The following PDE1A variants were observed in gnomAD, a reference collection of about 807,000 sequenced individuals.
PDE1A encodes dual specificity calcium/calmodulin-dependent 3',5'-cyclic nucleotide phosphodiesterase 1A.
In PDE1A, 35 loss-of-function variants were observed where a neutral mutation model predicts 61.7. That is an observed-to-expected ratio of 0.57 (90% CI 0.43 to 0.75). The LOEUF (loss-of-function observed/expected upper bound fraction) is 0.75. Among genes scored for constraint, PDE1A ranks in the 30% least tolerant of loss-of-function variants. PDE1A has a pLI of 0.00. For synonymous variants in PDE1A, 232 were observed against 213.2 expected, an observed-to-expected ratio of 1.09 and a Z score of -0.77; for missense variants, 597 against 630.6, an observed-to-expected ratio of 0.95 and a Z score of 0.57.
chr2:182,179,263 AT>A (rs908458563), intron 13 of PDE1A, among the ~76,000 whole-genome samples: 6 of 151,510 alleles, frequency 4.0e-5, no homozygotes, highest in Admixed American at 1.3e-4. Flanking sequence ...CAGTATTTGG[AT>A]TTTTTTTTCT....
intron 1 of PDE1A, among the ~76,000 whole-genome samples, chr2:182,392,425 A>C (rs909585381): frequency 6.6e-6 from 1 of 152,182 alleles, no homozygotes; most frequent in South Asian, 2.1e-4. Flanking sequence ...GAATTTTGGG[A>C]GCTAATATTC....
chr2:182,292,983 A>T (rs73977332), intron 1 of PDE1A, among the ~76,000 whole-genome samples: 3,527 of 152,224 alleles, frequency 0.023, 136 homozygotes, highest in African/African-American at 0.08. Flanking sequence ...TTTAATTTTT[A>T]AAATTGAGGT....
chr2:182,350,546 G>C (rs1394589504), intron 1 of PDE1A, among the ~76,000 whole-genome samples: 1 of 152,040 alleles, frequency 6.6e-6, no homozygotes, highest in African/African-American at 2.4e-5. Flanking sequence ...TAAAAAGCAG[G>C]AAAAAAGTGC....
chr2:182,201,366 T>C, intron 10 of PDE1A, 73 bp downstream of exon 10: 13 of 1,547,034 alleles, frequency 8.4e-6, no homozygotes, highest in Non-Finnish European at 1.1e-5. Context: ...CTGGATTCCA[T>C]ACAGAAAAGG....
At chr2:182,604,522 GC>G in the PDE1A span, among the ~76,000 whole-genome samples, 1 of 152,186 alleles carries the variant, frequency 6.6e-6, no homozygotes, top group Non-Finnish European at 1.5e-5. Context: ...GTAATCATTT[GC>G]TCAGTCCAAG....
At chr2:182,308,923 C>G (rs1161063683) in intron 1 of PDE1A, among the ~76,000 whole-genome samples, 1 of 151,674 alleles carries the variant, frequency 6.6e-6, no homozygotes, top group Non-Finnish European at 1.5e-5. Context: ...AAATTGGAAT[C>G]GTATTTATGC....
At chr2:182,316,687 G>A (rs1696358949) in intron 1 of PDE1A, among the ~76,000 whole-genome samples, 1 of 152,096 alleles carries the variant, frequency 6.6e-6, no homozygotes, top group South Asian at 2.1e-4. Context: ...TTTTAAAACT[G>A]CATGACAATA....
chr2:182,237,184 A>C (rs962289337), intron 3 of PDE1A, among the ~76,000 whole-genome samples: 1 of 152,170 alleles, frequency 6.6e-6, no homozygotes, highest in Non-Finnish European at 1.5e-5. Flanking sequence ...GATATAATTC[A>C]AAAACTCTTT....
chr2:182,479,706 T>A (rs1687587709), intron 2 of PDE1A, among the ~76,000 whole-genome samples: 1 of 152,078 alleles, frequency 6.6e-6, no homozygotes, highest in South Asian at 2.1e-4. Context: ...ATTCTGCCTC[T>A]AGTATTTGTT....
chr2:182,331,211 C>G (rs937478861), intron 1 of PDE1A, among the ~76,000 whole-genome samples: 6 of 152,118 alleles, frequency 3.9e-5, no homozygotes, highest in Non-Finnish European at 8.8e-5. Flanking sequence ...TGAATCTTGA[C>G]GCTGAGGAAA....
At chr2:182,689,788 T>C in the PDE1A span, among the ~76,000 whole-genome samples, 1 of 152,036 alleles carries the variant, frequency 6.6e-6, no homozygotes, top group Non-Finnish European at 1.5e-5. Context: ...CTAGCAAGAC[T>C]AATAAAGAAG....
At chr2:182,279,424 T>G (rs1288043239) in intron 1 of PDE1A, among the ~76,000 whole-genome samples, 1 of 89,538 alleles carries the variant, frequency 1.1e-5, no homozygotes, top group African/African-American at 3.6e-5. Context: ...AAGAGCAACC[T>G]TCCTTGTAGA....
intron 2 of PDE1A, among the ~76,000 whole-genome samples, chr2:182,479,416 A>T (rs1687569403): frequency 6.6e-6 from 1 of 151,514 alleles, no homozygotes; most frequent in Non-Finnish European, 1.5e-5. Flanking sequence ...GAAAGCTCTA[A>T]TTTAACCCCT....
the PDE1A span, among the ~76,000 whole-genome samples, chr2:182,691,460 G>T: frequency 5.1e-4 from 77 of 152,302 alleles, no homozygotes; most frequent in African/African-American, 1.9e-3. Flanking sequence ...ATGGTGCTGG[G>T]AAAACTGGCT....
intron 1 of PDE1A, among the ~76,000 whole-genome samples, chr2:182,325,842 C>A (rs1454977024): frequency 1.3e-5 from 2 of 152,128 alleles, no homozygotes; most frequent in Middle Eastern, 3.2e-3. Flanking sequence ...TTGCTTGAAC[C>A]CAGGAGGCAG....
intron 2 of PDE1A, among the ~76,000 whole-genome samples, chr2:182,513,530 T>A (rs2082135): frequency 0.77 from 117,298 of 152,110 alleles, 47,234 homozygotes; most frequent in East Asian, 0.99. Flanking sequence ...ACTATAAAGC[T>A]TGTACACAAT....
the PDE1A span, among the ~76,000 whole-genome samples, chr2:182,566,007 T>C: frequency 6.6e-6 from 1 of 152,136 alleles, no homozygotes; most frequent in African/African-American, 2.4e-5. Flanking sequence ...ATACAAAATT[T>C]ATGGAATTGT....
chr2:182,323,964 G>C (rs1696879821), intron 1 of PDE1A, among the ~76,000 whole-genome samples: 1 of 152,202 alleles, frequency 6.6e-6, no homozygotes, highest in Non-Finnish European at 1.5e-5. Context: ...TTCTCAGTGG[G>C]CCAGGGAATC....
At chr2:182,634,437 A>C in the PDE1A span, among the ~76,000 whole-genome samples, 354 of 152,320 alleles carry the variant, frequency 2.3e-3, no homozygotes, top group Admixed American at 3.9e-3. Flanking sequence ...AAAGTAGAGA[A>C]AATGAAAACT....
Sources: gnomAD v4.1 joint callset for allele counts (sites outside exome capture counted in the v4.1 genomes callset) on GRCh38, gnomAD v4.1.1 for gene constraint, MANE v1.5 for transcripts, NCBI Gene and HGNC (gene_info 2026-07-23, HGNC 2026-07-21) for gene names.